Variants in FBXL7 observed in about 807,000 individuals in gnomAD.
FBXL7 encodes F-box/LRR-repeat protein 7.
FBXL7 carries 12 observed loss-of-function variants against 38.3 expected under a neutral mutation model. The observed-to-expected ratio is 0.31, with a 90% CI of 0.20 to 0.51. The LOEUF is 0.51. Among genes scored for constraint, FBXL7 ranks in the 20% least tolerant of loss-of-function variants. The pLI is 0.98. For synonymous variants in FBXL7, 297 were observed against 300.9 expected, an observed-to-expected ratio of 0.99 and a Z score of 0.13; for missense variants, 567 against 676.4, an observed-to-expected ratio of 0.84 and a Z score of 1.79.
chr5:15,533,701 A>G (rs2126395778), intron 1 of FBXL7, among the ~76,000 whole-genome samples: 1 of 152,250 alleles, frequency 6.6e-6, no homozygotes, highest in East Asian at 1.9e-4. Context: ...GATGGGAAGA[A>G]TTTGGGGTCA....
chr5:15,845,114 T>G (rs1227701688), intron 2 of FBXL7, among the ~76,000 whole-genome samples: 1 of 152,220 alleles, frequency 6.6e-6, no homozygotes, highest in East Asian at 1.9e-4. Context: ...CTTGCACAAG[T>G]TAGTACCCAA....
At chr5:15,503,874 T>A (rs907214447) in intron 1 of FBXL7, among the ~76,000 whole-genome samples, 1 of 152,258 alleles carries the variant, frequency 6.6e-6, no homozygotes, top group African/African-American at 2.4e-5. Context: ...ACAAATATTG[T>A]TGAATTATTA....
At chr5:15,559,560 A>G (rs1176611643) in intron 1 of FBXL7, among the ~76,000 whole-genome samples, 3 of 152,202 alleles carry the variant, frequency 2.0e-5, no homozygotes, top group African/African-American at 4.8e-5. Flanking sequence ...TCTCTTATAG[A>G]AGACCATTTT....
At chr5:15,764,652 C>A (rs905192405) in intron 2 of FBXL7, among the ~76,000 whole-genome samples, 4 of 152,222 alleles carry the variant, frequency 2.6e-5, no homozygotes, top group Admixed American at 6.5e-5. Flanking sequence ...TTATTAAATG[C>A]ATGGGCTTGG....
chr5:15,732,629 A>G (rs1735620536), intron 2 of FBXL7, among the ~76,000 whole-genome samples: 1 of 152,226 alleles, frequency 6.6e-6, no homozygotes, highest in African/African-American at 2.4e-5. Context: ...TTAAAGTCAG[A>G]ATGATGGTAC....
intron 2 of FBXL7, among the ~76,000 whole-genome samples, chr5:15,635,933 A>C (rs1741175658): frequency 6.7e-6 from 1 of 149,022 alleles, no homozygotes. Flanking sequence ...TTTTTCTAGC[A>C]GCTTATAACA....
chr5:15,780,420 G>A (rs1736964335), intron 2 of FBXL7, among the ~76,000 whole-genome samples: 1 of 152,112 alleles, frequency 6.6e-6, no homozygotes, highest in African/African-American at 2.4e-5. Flanking sequence ...GTCATAATTT[G>A]AATTGGAATT....
chr5:15,596,609 A>T (rs1739632233), intron 1 of FBXL7, among the ~76,000 whole-genome samples: 1 of 152,246 alleles, frequency 6.6e-6, no homozygotes, highest in Admixed American at 6.5e-5. Flanking sequence ...CAAACCCACA[A>T]GGGCAGTGCC....
At chr5:15,847,144 A>T (rs1185548375) in intron 2 of FBXL7, among the ~76,000 whole-genome samples, 2 of 152,136 alleles carry the variant, frequency 1.3e-5, no homozygotes, top group African/African-American at 4.8e-5. Context: ...ATGGTCCCTG[A>T]ATTAATCCAT....
At chr5:15,663,556 C>T (rs980502500) in intron 2 of FBXL7, among the ~76,000 whole-genome samples, 4 of 152,106 alleles carry the variant, frequency 2.6e-5, no homozygotes, top group African/African-American at 9.7e-5. Context: ...TATCAAAAGC[C>T]ATTACCCTGT....
At chr5:15,502,441 C>T (rs1476280994) in intron 1 of FBXL7, among the ~76,000 whole-genome samples, 1 of 152,166 alleles carries the variant, frequency 6.6e-6, no homozygotes, top group East Asian at 1.9e-4. Context: ...TTAAATGCTA[C>T]CTCTGCATTT....
At chr5:15,710,918 C>T (rs912816278) in intron 2 of FBXL7, among the ~76,000 whole-genome samples, 5 of 152,092 alleles carry the variant, frequency 3.3e-5, no homozygotes, top group African/African-American at 1.2e-4. Flanking sequence ...AATTGTAATT[C>T]CCACAATTCC....
At chr5:15,785,321 C>A (rs1737106566) in intron 2 of FBXL7, among the ~76,000 whole-genome samples, 1 of 152,168 alleles carries the variant, frequency 6.6e-6, no homozygotes, top group Admixed American at 6.5e-5. Flanking sequence ...TTCAGGGGCA[C>A]TTGGTTAATG....
intron 1 of FBXL7, among the ~76,000 whole-genome samples, chr5:15,503,175 A>G (rs1230704663): frequency 2.6e-5 from 4 of 152,152 alleles, no homozygotes; most frequent in Non-Finnish European, 5.9e-5. Context: ...AATCCCACCA[A>G]TTTGAGAGGC....
chr5:15,657,715 A>G (rs547013262), intron 2 of FBXL7, among the ~76,000 whole-genome samples: 2 of 152,064 alleles, frequency 1.3e-5, no homozygotes, highest in Non-Finnish European at 2.9e-5. Flanking sequence ...GTTGGTGCCT[A>G]TAATCCCAGG....
chr5:15,524,608 T>A (rs894147132), intron 1 of FBXL7, among the ~76,000 whole-genome samples: 7 of 152,206 alleles, frequency 4.6e-5, no homozygotes, highest in African/African-American at 1.7e-4. Flanking sequence ...AGTTTTTTAT[T>A]CATTGGTGAT....
intron 2 of FBXL7, among the ~76,000 whole-genome samples, chr5:15,843,558 G>A (rs1377995985): frequency 1.3e-5 from 2 of 152,172 alleles, no homozygotes; most frequent in Non-Finnish European, 2.9e-5. Context: ...AAGAACAGTA[G>A]TGTTCAGAAG....
chr5:15,853,222 A>G (rs1561152906), intron 2 of FBXL7, among the ~76,000 whole-genome samples: 1 of 152,168 alleles, frequency 6.6e-6, no homozygotes, highest in African/African-American at 2.4e-5. Flanking sequence ...GCAAGCACTG[A>G]GTGCCATAGA....
intron 2 of FBXL7, among the ~76,000 whole-genome samples, chr5:15,716,791 G>A (rs751578205): frequency 1.4e-4 from 21 of 152,078 alleles, no homozygotes; most frequent in Non-Finnish European, 2.4e-4. Flanking sequence ...CATTATTTGC[G>A]TCCTTTTTGG....
Sources: allele counts gnomAD v4.1 joint callset (sites outside exome capture counted in the v4.1 genomes callset), GRCh38; gene constraint gnomAD v4.1.1; transcripts MANE v1.5; gene names NCBI Gene and HGNC (gene_info 2026-07-23, HGNC 2026-07-21).